Variants in CADM1 observed in about 807,000 individuals in gnomAD.
CADM1 encodes TSLC-1.
CADM1 carries 15 observed loss-of-function variants against 53.1 expected under a neutral mutation model. That is an observed-to-expected ratio of 0.28 (90% CI 0.19 to 0.44). The LOEUF is 0.44. Ranked by LOEUF, CADM1 falls within the 20% of genes least tolerant of loss-of-function variation. The pLI is 1.00. For synonymous variants in CADM1, 281 were observed against 243.0 expected, an observed-to-expected ratio of 1.16 and a Z score of -1.45; for missense variants, 434 against 611.3, an observed-to-expected ratio of 0.71 and a Z score of 3.06.
chr11:115,282,680 C>T (rs1209529404), intron 1 of CADM1, among the ~76,000 whole-genome samples: 1 of 152,164 alleles, frequency 6.6e-6, no homozygotes, highest in Non-Finnish European at 1.5e-5. Context: ...ACCAAGGCAG[C>T]TCTCCATGGA....
chr11:115,193,590 T>A (rs1350637514), intron 9 of CADM1, among the ~76,000 whole-genome samples: 1 of 152,168 alleles, frequency 6.6e-6, no homozygotes, highest in Non-Finnish European at 1.5e-5. Flanking sequence ...TGTGGCCATT[T>A]AAAACCAGGG....
intron 1 of CADM1, among the ~76,000 whole-genome samples, chr11:115,481,830 G>C (rs1159205248): frequency 1.3e-5 from 2 of 152,054 alleles, no homozygotes; most frequent in Admixed American, 1.3e-4. Flanking sequence ...CCTGGGTTCT[G>C]GCCCTCAAAA....
At chr11:115,362,611 T>C (rs1028090652) in intron 1 of CADM1, among the ~76,000 whole-genome samples, 1 of 151,808 alleles carries the variant, frequency 6.6e-6, no homozygotes, top group Non-Finnish European at 1.5e-5. Flanking sequence ...ATTAGAGAGG[T>C]TTTTTTTAGT....
chr11:115,196,982 C>T (rs1030187508), intron 9 of CADM1, among the ~76,000 whole-genome samples: 1 of 152,076 alleles, frequency 6.6e-6, no homozygotes, highest in Non-Finnish European at 1.5e-5. Flanking sequence ...AGTTTTATAC[C>T]TAATTGATTT....
At chr11:115,461,512 A>G (rs1948794360) in intron 1 of CADM1, among the ~76,000 whole-genome samples, 1 of 152,224 alleles carries the variant, frequency 6.6e-6, no homozygotes, top group Admixed American at 6.5e-5. Context: ...GTCCGGATGT[A>G]GGCAATGTTT....
At chr11:115,424,588 C>A (rs1000997781) in intron 1 of CADM1, among the ~76,000 whole-genome samples, 1 of 151,908 alleles carries the variant, frequency 6.6e-6, no homozygotes, top group African/African-American at 2.4e-5. Context: ...AGTGCAGTGG[C>A]GAGATCTCTG....
Position 115,169,751 on chromosome 11 carries a change from T to C in CADM1, c.*6723A>G. 1 of 355,486 alleles carries C rather than the reference T, an allele frequency of 2.8e-6. No homozygotes were observed. The highest frequency in any genetic ancestry group is 5.7e-6 in the Non-Finnish European group (1 of 176,902). The allele number at this position is 355,486 out of a possible 1,614,324, so 22.0% of individuals were successfully genotyped here. On this transcript the variant is annotated 3_prime_UTR_variant, in exon 12 of 12. Transcript: ENST00000331581. ...ATACTTTTTAATCAGGTCTGCTGTG[T>C]CTGGGCAAACAGCTTTTGTGGATTA...
rs1364634857 is a variant in CADM1, at chr11:115,178,791, G to T, written c.1166-16C>A. 1.2e-6 allele frequency: 2 copies of T among 1,613,650 alleles called. No homozygotes were observed. Among genetic ancestry groups the T allele is most frequent in the East Asian group, 2.2e-5 (1 of 44,890 alleles). ...GCTCGGGAATCTGTTAAAATCAGAA[G>T]AGGAATAGGGATGTAGAGCTTATTA... On this transcript the variant is annotated splice_polypyrimidine_tract_variant and intron_variant, in intron 10 of 11. Transcript: ENST00000331581.
chr11:115,452,001 C>G (rs757570374), intron 1 of CADM1, among the ~76,000 whole-genome samples: 3 of 152,018 alleles, frequency 2.0e-5, no homozygotes, highest in African/African-American at 7.3e-5. Flanking sequence ...GAAGAGAAAC[C>G]GAGGGAGAAC....
intron 1 of CADM1, among the ~76,000 whole-genome samples, chr11:115,264,065 C>G (rs1943055990): frequency 6.6e-6 from 1 of 152,156 alleles, no homozygotes; most frequent in African/African-American, 2.4e-5. Flanking sequence ...ATGCTCCCTG[C>G]AGACTGCTGC....
At chr11:115,399,177 AT>A (rs771757644) in intron 1 of CADM1, 8 of 152,166 alleles carry the variant, frequency 5.3e-5, no homozygotes, top group Non-Finnish European at 1.2e-4. Context: ...TTCAAACCTA[AT>A]ACAACTCCAA....
chr11:115,177,034 C>T (rs1468937188), intron 11 of CADM1, among the ~76,000 whole-genome samples: 2 of 152,198 alleles, frequency 1.3e-5, no homozygotes, highest in Non-Finnish European at 1.5e-5. Flanking sequence ...CTTCTGTTGT[C>T]ACCTCAGCTC....
intron 1 of CADM1, among the ~76,000 whole-genome samples, chr11:115,283,966 A>G (rs1943652821): frequency 6.6e-6 from 1 of 152,164 alleles, no homozygotes; most frequent in Non-Finnish European, 1.5e-5. Context: ...AAGTGAAGAA[A>G]AGCTTTAAGG....
chr11:115,187,731 G>A (rs776826345), intron 10 of CADM1, among the ~76,000 whole-genome samples: 14 of 152,132 alleles, frequency 9.2e-5, no homozygotes, highest in Non-Finnish European at 1.5e-4. Context: ...GTGAGCCATC[G>A]CGCCCAGCTA....
intron 1 of CADM1, among the ~76,000 whole-genome samples, chr11:115,441,490 T>A (rs1443454486): frequency 3.3e-5 from 5 of 152,170 alleles, no homozygotes; most frequent in Non-Finnish European, 7.4e-5. Context: ...AAGAAAAGAT[T>A]AAGCTCACTG....
chr11:115,300,739 T>C, intron 1 of CADM1, among the ~76,000 whole-genome samples: 1 of 152,086 alleles, frequency 6.6e-6, no homozygotes, highest in African/African-American at 2.4e-5. Context: ...AACGAGCACA[T>C]GGAGGGCTGC....
chr11:115,369,026 T>TAAAAAAAATCTA (rs1946244376), intron 1 of CADM1, among the ~76,000 whole-genome samples: 9 of 44,748 alleles, frequency 2.0e-4, no homozygotes, highest in Admixed American at 3.2e-4. Flanking sequence ...AAAAAAAATC[T>TAAAAAAAATCTA]AAAAAAAAAA....
chr11:115,287,546 C>G (rs1474057350), intron 1 of CADM1: 1 of 152,238 alleles, frequency 6.6e-6, no homozygotes, highest in East Asian at 1.9e-4. Context: ...TTGAACACTA[C>G]CACACTGGAG....
chr11:115,349,139 G>A lies in CADM1; in HGVS notation c.125-108719C>T, dbSNP rs79394950. Among the ~76,000 whole-genome samples the A allele has an allele frequency of 6.7e-3, 1,025 of 152,134 alleles. 11 individuals are homozygous for A. The highest frequency in any genetic ancestry group is 0.012 in the Non-Finnish European group (818 of 68,000). ...TATTTATTTGTTAACTATATGTGTC[G>A]CTCCTTTCTAAGTTCAATGTGAGTA... is the stretch of plus-strand genomic sequence containing the variant. On this transcript the variant is annotated intron_variant, in intron 1 of 11. Coordinates refer to ENST00000331581, the MANE Select transcript of CADM1 (RefSeq NM_001301043.2).
Sources: gnomAD v4.1 joint callset for allele counts (sites outside exome capture counted in the v4.1 genomes callset) on GRCh38, gnomAD v4.1.1 for gene constraint, MANE v1.5 for transcripts, NCBI Gene and HGNC (gene_info 2026-07-23, HGNC 2026-07-21) for gene names.